The following EYS variants were observed in gnomAD, a reference collection of about 807,000 sequenced individuals.
EYS encodes EGF-like photoreceptor maintenance factor.
A neutral mutation model predicts 282.1 loss-of-function variants in EYS; 250 were observed. The ratio of observed to expected loss-of-function variants is 0.89; its 90% CI spans 0.80 to 0.98. The LOEUF (loss-of-function observed/expected upper bound fraction) is 0.98. Ranked by LOEUF, EYS falls within the 50% of genes least tolerant of loss-of-function variation. The pLI is 0.00. For synonymous variants in EYS, 1,355 were observed against 1,282.9 expected (o/e 1.06, Z -1.20); for missense variants, 4,016 against 3,709.0 (o/e 1.08, Z -2.15).
rs372512515 is a variant in EYS, at chr6:63,864,297, C to T, written c.7117G>A (p.Ala2373Thr). 24 of 1,551,596 alleles carry T rather than the reference C, an allele frequency of 1.5e-5. No individual in the cohort carries two copies. The highest frequency in any genetic ancestry group is 9.8e-5 in the Admixed American group (5 of 50,994). ...CCACATGGGTTGTTTTCACAACTTG[C>T]AAACTGGCACAGCTTGCCTGAATAC... ...RLYSGKLCQF[A>T]SCENNPCGNG... Residue 2373 changes from alanine to threonine, a missense_variant, in exon 36 of 43, where the codon GCA (alanine) becomes ACA (threonine). Physicochemically the swap from Ala to Thr is moderately conservative, Grantham distance 58. Transcript: ENST00000503581.
chr6:64,194,551 C>G (rs1446449552), intron 31 of EYS, among the ~76,000 whole-genome samples: 1 of 151,970 alleles, frequency 6.6e-6, no homozygotes, highest in Non-Finnish European at 1.5e-5. Flanking sequence ...TTAATTGCAT[C>G]AATATATTTT....
chr6:64,884,592 G>C (rs1767027954), intron 19 of EYS, among the ~76,000 whole-genome samples: 2 of 151,328 alleles, frequency 1.3e-5, no homozygotes, highest in Admixed American at 1.3e-4. Context: ...TTCCAGAGAA[G>C]GCTAAGAAAA....
chr6:64,628,056 G>A (rs915277878), intron 22 of EYS, among the ~76,000 whole-genome samples: 4 of 152,114 alleles, frequency 2.6e-5, no homozygotes, highest in Non-Finnish European at 4.4e-5. Context: ...CTCCAGCCCG[G>A]GCGACAGTGC....
At chr6:64,381,976 A>T (rs1250170168) in intron 29 of EYS, among the ~76,000 whole-genome samples, 1 of 152,158 alleles carries the variant, frequency 6.6e-6, no homozygotes. Context: ...AATAATATCC[A>T]TATCAAAGAA....
At chr6:64,303,956 T>C (rs1769338447) in intron 30 of EYS, among the ~76,000 whole-genome samples, 4 of 151,844 alleles carry the variant, frequency 2.6e-5, no homozygotes, top group Admixed American at 2.0e-4. Flanking sequence ...GGAGTTTATC[T>C]AAATAGCTTG....
intron 13 of EYS, among the ~76,000 whole-genome samples, chr6:65,018,856 T>C (rs1386208994): frequency 1.3e-5 from 2 of 152,210 alleles, no homozygotes; most frequent in Non-Finnish European, 2.9e-5. Flanking sequence ...ATTGTATTGT[T>C]GTTGTTGTTT....
intron 29 of EYS, among the ~76,000 whole-genome samples, chr6:64,338,553 A>T (rs545897789): frequency 6.6e-6 from 1 of 152,080 alleles, no homozygotes; most frequent in African/African-American, 2.4e-5. Flanking sequence ...GAAAATGACC[A>T]TACTGCTAAA....
intron 1 of EYS, among the ~76,000 whole-genome samples, chr6:65,674,624 A>G (rs1314249356): frequency 6.6e-6 from 1 of 152,026 alleles, no homozygotes; most frequent in African/African-American, 2.4e-5. Context: ...CAAGATTACT[A>G]TATGGAACAA....
intron 19 of EYS, among the ~76,000 whole-genome samples, chr6:64,885,986 A>G (rs1767072862): frequency 6.6e-6 from 1 of 151,874 alleles, no homozygotes; most frequent in African/African-American, 2.4e-5. Context: ...ATGTTAATAA[A>G]CTGAGATTTG....
chr6:64,596,830 C>T (rs1273025937), intron 24 of EYS, among the ~76,000 whole-genome samples: 1 of 149,360 alleles, frequency 6.7e-6, no homozygotes, highest in African/African-American at 2.4e-5. Flanking sequence ...CTCAAAAGCA[C>T]AAGAAACAAA....
At chr6:64,257,099 T>C (rs1442523808) in intron 30 of EYS, among the ~76,000 whole-genome samples, 1 of 152,040 alleles carries the variant, frequency 6.6e-6, no homozygotes, top group African/African-American at 2.4e-5. Context: ...ACTGAAAAAC[T>C]TTGATATATC....
intron 31 of EYS, among the ~76,000 whole-genome samples, chr6:64,222,673 C>G (rs1363911182): frequency 6.6e-6 from 1 of 151,910 alleles, no homozygotes; most frequent in Non-Finnish European, 1.5e-5. Context: ...CTCAACTAAA[C>G]CCTATTAATT....
chr6:64,438,412 A>T (rs140597253), intron 27 of EYS, among the ~76,000 whole-genome samples: 1 of 151,854 alleles, frequency 6.6e-6, no homozygotes, highest in Non-Finnish European at 1.5e-5. Flanking sequence ...GCCTCTGGAA[A>T]ACTCTACTAT....
chr6:65,139,947 T>C (rs1403845977), intron 12 of EYS, among the ~76,000 whole-genome samples: 1 of 152,064 alleles, frequency 6.6e-6, no homozygotes, highest in African/African-American at 2.4e-5. Context: ...AAAAGATGAT[T>C]TTTTAAAATA....
chr6:64,538,476 T>C (rs1030918853), intron 26 of EYS, among the ~76,000 whole-genome samples: 1 of 152,158 alleles, frequency 6.6e-6, no homozygotes, highest in Non-Finnish European at 1.5e-5. Context: ...CAAAACCATA[T>C]AGTGTTTTTG....
intron 5 of EYS, among the ~76,000 whole-genome samples, chr6:65,426,538 T>C (rs913889744): frequency 6.6e-6 from 1 of 152,190 alleles, no homozygotes; most frequent in Non-Finnish European, 1.5e-5. Context: ...TTTCTGATCC[T>C]ATATTCTTTG....
chr6:65,462,374 C>T lies in EYS; in HGVS notation c.862+28220G>A, dbSNP rs184376598. ...TGGTGTGAATGGAAATGTTTTGTAT[C>T]CTAATTATAACGGTGATTACACAAA... On this transcript the variant is annotated intron_variant, in intron 5 of 42. Transcript: ENST00000503581. Among the ~76,000 whole-genome samples, 47 of 151,746 alleles carry T rather than the reference C, an allele frequency of 3.1e-4. No homozygotes were observed. In the East Asian group the frequency reaches 7.4e-3, roughly 24 times the overall value.
At position 65,085,644 on chromosome 6, in the gene EYS, A is replaced by C. The variant is rs1296096729; in HGVS notation, c.2024-27917T>G. 2.6e-5 allele frequency among the ~76,000 whole-genome samples: 4 copies of C among 152,274 alleles called. No homozygotes were observed. In the East Asian group the frequency reaches 5.8e-4, roughly 22 times the overall value. Reference sequence around the variant, plus strand: ...TAGCTTAATCTCCCTCCCTTGATCTAAATTGTTTGATGACTTTTTTAAAAA... The same window carrying C: ...TAGCTTAATCTCCCTCCCTTGATCTCAATTGTTTGATGACTTTTTTAAAAA... On this transcript the variant is annotated intron_variant, in intron 12 of 42. Transcript: ENST00000503581.
intron 12 of EYS, among the ~76,000 whole-genome samples, chr6:65,126,598 T>G (rs77529189): frequency 0.037 from 5,661 of 152,156 alleles, 305 homozygotes; most frequent in African/African-American, 0.12. Context: ...ACTCCACAGA[T>G]AAGTTGGTGT....
Sources: allele counts gnomAD v4.1 joint callset (sites outside exome capture counted in the v4.1 genomes callset), GRCh38; gene constraint gnomAD v4.1.1; transcripts MANE v1.5; gene names NCBI Gene and HGNC (gene_info 2026-07-23, HGNC 2026-07-21).